Variants in SPAG16 observed in about 807,000 individuals in gnomAD.
SPAG16 encodes the protein sperm-associated antigen 16 protein.
A neutral mutation model predicts 80.4 loss-of-function variants in SPAG16; 86 were observed. The ratio of observed to expected loss-of-function variants is 1.07; its 90% confidence interval spans 0.90 to 1.28. The LOEUF (loss-of-function observed/expected upper bound fraction) is 1.28, where lower values mean the gene tolerates loss of function less well. Ranked by LOEUF, SPAG16 falls within the 50% of genes most tolerant of loss-of-function variation. The pLI is 0.00. For synonymous variants in SPAG16, 294 were observed against 265.9 expected (o/e 1.11, Z -1.03); for missense variants, 870 against 765.3 (o/e 1.14, Z -1.61).
chr2:213,303,316 A>G (rs1389680627), intron 3 of SPAG16, among the ~76,000 whole-genome samples: 1 of 152,030 alleles, frequency 6.6e-6, no homozygotes, highest in Non-Finnish European at 1.5e-5. Context: ...GGTACATAAG[A>G]TATTTTGATA....
Position 214,225,034 on chromosome 2 carries a change from AG to A in SPAG16, c.1720+75771del, listed in dbSNP as rs149741193. ...TTCATTTTTATTGAATAGTTGGAGA[AG>A]GGTTCACGAATAAGGTAACATTTAA... On this transcript the variant is annotated intron_variant, in intron 15 of 15. Coordinates refer to ENST00000331683, the MANE Select transcript of SPAG16 (RefSeq NM_024532.5). 5.0e-3 allele frequency among the ~76,000 whole-genome samples: 754 copies of A among 152,320 alleles called. 5 individuals are homozygous for A. Among genetic ancestry groups the A allele is most frequent in the African/African-American group, 0.017 (713 of 41,584 alleles).
At position 214,149,220 on chromosome 2, in the gene SPAG16, C is replaced by T. The variant is rs376387182; in HGVS notation, c.1674C>T (p.Ile558=). The part of the protein sequence containing the change: ...DFRKLLPIVS[I]DIGPSPGNEV... ...GGAAGCTGTTACCAATTGTGTCCAT[C>T]GATATAGGTCCAAGTCCTGGCAATG... The change falls in exon 15 of 16, where the codon ATC becomes ATT. Residue 558 remains isoleucine (I), a synonymous_variant. Coordinates refer to ENST00000331683, the MANE Select transcript of SPAG16 (RefSeq NM_024532.5). 34 of 1,598,366 alleles carry T rather than the reference C, an allele frequency of 2.1e-5. No homozygotes were observed. The highest frequency in any genetic ancestry group is 1.7e-4 in the African/African-American group (13 of 74,490).
intron 15 of SPAG16, among the ~76,000 whole-genome samples, chr2:214,170,837 C>A (rs1237860299): frequency 3.9e-5 from 6 of 152,012 alleles, no homozygotes; most frequent in African/African-American, 1.4e-4. Context: ...ACTCTAACAG[C>A]CCATTTCATT....
At chr2:214,092,959 T>C (rs1407341769) in intron 13 of SPAG16, among the ~76,000 whole-genome samples, 1 of 152,134 alleles carries the variant, frequency 6.6e-6, no homozygotes, top group Non-Finnish European at 1.5e-5. Context: ...TTTCAATTTT[T>C]GCCAAACTCA....
intron 10 of SPAG16, among the ~76,000 whole-genome samples, chr2:213,654,724 A>G (rs1574665645): frequency 2.0e-5 from 3 of 151,896 alleles, no homozygotes; most frequent in Admixed American, 1.3e-4. Context: ...CTCAAAAAAA[A>G]AAATAAAGAA....
At chr2:213,763,188 A>C (rs947286341) in intron 10 of SPAG16, among the ~76,000 whole-genome samples, 3 of 151,840 alleles carry the variant, frequency 2.0e-5, no homozygotes, top group Non-Finnish European at 4.4e-5. Flanking sequence ...TGTGAATGTA[A>C]AATAGTGTAG....
intron 10 of SPAG16, among the ~76,000 whole-genome samples, chr2:213,603,436 T>C (rs1235803383): frequency 6.6e-6 from 1 of 152,248 alleles, no homozygotes; most frequent in Admixed American, 6.5e-5. Context: ...AAGTTGTTTA[T>C]ATTTAAATGG....
intron 10 of SPAG16, among the ~76,000 whole-genome samples, chr2:213,659,375 A>G (rs2063338526): frequency 6.6e-6 from 1 of 152,014 alleles, no homozygotes; most frequent in South Asian, 2.1e-4. Flanking sequence ...CAATGGACTC[A>G]CAGAGTGGGT....
intron 14 of SPAG16, among the ~76,000 whole-genome samples, chr2:214,139,582 T>C (rs1053803422): frequency 2.0e-5 from 3 of 152,170 alleles, no homozygotes; most frequent in African/African-American, 7.2e-5. Context: ...CTTTAAAAAA[T>C]GCATCTGAAA....
chr2:214,302,163 T>A (rs1055023215), intron 15 of SPAG16, among the ~76,000 whole-genome samples: 4 of 152,212 alleles, frequency 2.6e-5, no homozygotes, highest in African/African-American at 9.6e-5. Context: ...TTATTTTGAT[T>A]TTTTGAACTT....
At chr2:213,647,770 G>C (rs1432675670) in intron 10 of SPAG16, among the ~76,000 whole-genome samples, 2 of 152,114 alleles carry the variant, frequency 1.3e-5, no homozygotes, top group Non-Finnish European at 2.9e-5. Context: ...CTAAACCATG[G>C]ACCCTATATC....
At chr2:214,003,075 T>G (rs1165151804) in intron 12 of SPAG16, among the ~76,000 whole-genome samples, 1 of 152,160 alleles carries the variant, frequency 6.6e-6, no homozygotes, top group Non-Finnish European at 1.5e-5. Context: ...CATAACACAT[T>G]TCAGAGGATC....
intron 13 of SPAG16, among the ~76,000 whole-genome samples, chr2:214,094,179 C>G (rs569839497): frequency 2.0e-5 from 3 of 152,166 alleles, no homozygotes; most frequent in African/African-American, 7.2e-5. Context: ...ATATTTATAC[C>G]ATGGCAGTTT....
At chr2:213,490,180 G>A (rs2074178116) in intron 10 of SPAG16, 90 bp downstream of exon 10, 1 of 1,303,266 alleles carries the variant, frequency 7.7e-7, no homozygotes, top group African/African-American at 1.5e-5. Context: ...GGTTGAAATG[G>A]TTTGCTTTTA....
chr2:214,220,570 T>C (rs1324102512), intron 15 of SPAG16, among the ~76,000 whole-genome samples: 1 of 152,134 alleles, frequency 6.6e-6, no homozygotes, highest in African/African-American at 2.4e-5. Flanking sequence ...AATTAAACAC[T>C]CTGTGTTCTC....
chr2:213,956,446 CTTTTTT>C (rs755475252), intron 12 of SPAG16, among the ~76,000 whole-genome samples: 1 of 113,078 alleles, frequency 8.8e-6, no homozygotes, highest in Non-Finnish European at 1.8e-5. Context: ...ATTTTTTTTC[CTTTTTT>C]TTTTTTTTTT....
intron 6 of SPAG16, among the ~76,000 whole-genome samples, chr2:213,346,578 G>A (rs1405859878): frequency 1.3e-5 from 2 of 152,182 alleles, no homozygotes; most frequent in Non-Finnish European, 1.5e-5. Context: ...TTTATTGAGA[G>A]TTTTTAGCAT....
At chr2:214,095,616 T>G (rs2125336615) in intron 13 of SPAG16, among the ~76,000 whole-genome samples, 1 of 152,240 alleles carries the variant, frequency 6.6e-6, no homozygotes, top group East Asian at 1.9e-4. Context: ...GTTTTCATCC[T>G]ATTTTACCAA....
chr2:214,095,242 C>T (rs190197901), intron 13 of SPAG16, among the ~76,000 whole-genome samples: 6 of 152,074 alleles, frequency 3.9e-5, no homozygotes, highest in South Asian at 4.1e-4. Context: ...TTTCTCTGGC[C>T]GGTTGTTTTT....
Sources: allele counts gnomAD v4.1 joint callset (sites outside exome capture counted in the v4.1 genomes callset), GRCh38; gene constraint gnomAD v4.1.1; transcripts MANE v1.5; gene names NCBI Gene and HGNC (gene_info 2026-07-23, HGNC 2026-07-21).